CDIN1: variants seen among roughly 807,000 people sequenced by gnomAD.
CDIN1 encodes CDAN1-interacting nuclease 1.
A neutral mutation model predicts 45.3 loss-of-function variants in CDIN1; 33 were observed. The ratio of observed to expected loss-of-function variants is 0.73; its 90% confidence interval spans 0.55 to 0.97. The LOEUF (loss-of-function observed/expected upper bound fraction) is 0.97. Among genes scored for constraint, CDIN1 ranks in the 50% least tolerant of loss-of-function variants. The pLI, the probability that CDIN1 is intolerant of heterozygous loss-of-function variation, is 0.00. For missense variants in CDIN1, 303 were observed against 339.4 expected (o/e 0.89, Z 0.84); for synonymous variants, 118 against 124.4 (o/e 0.95, Z 0.34).
chr15:36,653,877 C>T (rs1158159961), intron 3 of CDIN1, among the ~76,000 whole-genome samples: 4 of 152,128 alleles, frequency 2.6e-5, no homozygotes, highest in Non-Finnish European at 5.9e-5. Context: ...GTATTTACAC[C>T]TTCTGCCCCC....
chr15:36,765,073 T>TTTTG (rs55720281), intron 10 of CDIN1, among the ~76,000 whole-genome samples: 1 of 150,640 alleles, frequency 6.6e-6, no homozygotes, highest in Non-Finnish European at 1.5e-5. Context: ...TTTTTTTTTT[T>TTTTG]TAGATGGAGT....
intron 10 of CDIN1, among the ~76,000 whole-genome samples, chr15:36,759,629 A>G (rs878909794): frequency 7.2e-5 from 11 of 152,206 alleles, no homozygotes; most frequent in African/African-American, 2.7e-4. Flanking sequence ...AGCATTGTTA[A>G]CAATAGTCTG....
At chr15:36,615,325 G>A (rs560403562) in intron 1 of CDIN1, among the ~76,000 whole-genome samples, 173 of 152,222 alleles carry the variant, frequency 1.1e-3, no homozygotes, top group African/African-American at 3.9e-3. Flanking sequence ...TCTGTTAGGT[G>A]TACATCCTGC....
chr15:36,630,452 G>A (rs145545190), intron 1 of CDIN1, among the ~76,000 whole-genome samples: 8 of 152,202 alleles, frequency 5.3e-5, no homozygotes, highest in Non-Finnish European at 7.4e-5. Flanking sequence ...GTTTACAGAC[G>A]GTGGAATTGA....
chr15:36,779,955 T>G (rs1168116666), intron 10 of CDIN1, among the ~76,000 whole-genome samples: 1 of 152,150 alleles, frequency 6.6e-6, no homozygotes, highest in African/African-American at 2.4e-5. Context: ...TCATACTGAG[T>G]AGCAGTGGCA....
intron 5 of CDIN1, among the ~76,000 whole-genome samples, chr15:36,686,763 G>A (rs547403750): frequency 6.8e-6 from 1 of 147,418 alleles, no homozygotes; most frequent in African/African-American, 2.5e-5. Context: ...GAGGGACAGA[G>A]GGATGGAGGG....
intron 7 of CDIN1, among the ~76,000 whole-genome samples, chr15:36,696,075 C>G (rs2042414270): frequency 6.6e-6 from 1 of 152,076 alleles, no homozygotes; most frequent in South Asian, 2.1e-4. Context: ...AACTGTATGC[C>G]CTGTGCAGGT....
intron 1 of CDIN1, chr15:36,626,760 CT>C: frequency 2.6e-6 from 1 of 387,744 alleles, no homozygotes; most frequent in Non-Finnish European, 5.1e-6. Context: ...TAGTCCCTTA[CT>C]TGGTGTGCGT....
chr15:36,724,134 G>T (rs1411766776), intron 10 of CDIN1, among the ~76,000 whole-genome samples: 1 of 152,200 alleles, frequency 6.6e-6, no homozygotes, highest in African/African-American at 2.4e-5. Context: ...AGCCAGTGGA[G>T]TTTTTTGAAT....
chr15:36,726,833 T>C (rs1433634599), intron 10 of CDIN1, among the ~76,000 whole-genome samples: 2 of 152,190 alleles, frequency 1.3e-5, no homozygotes, highest in Non-Finnish European at 2.9e-5. Context: ...GCATTTTTTT[T>C]TCTATATATG....
At chr15:36,593,247 T>C (rs6495855) in intron 1 of CDIN1, among the ~76,000 whole-genome samples, 131,491 of 152,208 alleles carry the variant, frequency 0.86, 56,919 homozygotes, top group Middle Eastern at 0.96. Flanking sequence ...AAACCACCCC[T>C]TTCCAAGTAT....
intron 6 of CDIN1, 41 bp downstream of exon 6, chr15:36,691,805 A>G (rs2042262050): frequency 2.1e-6 from 3 of 1,401,628 alleles, no homozygotes; most frequent in Non-Finnish European, 3.0e-6. Context: ...CAATGCTGTT[A>G]TCTGCCTAGC....
rs151080833 is a variant in CDIN1 at position 36,693,140 on chromosome 15, C to G, written c.476+965C>G. Among the ~76,000 whole-genome samples the G allele has an allele frequency of 2.6e-5, 4 of 152,230 alleles. No individual in the cohort carries two copies. The East Asian group carries it at 7.7e-4, about 29-fold the overall frequency. ...TCGTGTACATGTATGTGTTTATATTCCACCTTCTTTCACAAAGGCTTAGAG... is the reference window on the plus strand; with the variant it reads ...TCGTGTACATGTATGTGTTTATATTGCACCTTCTTTCACAAAGGCTTAGAG... On this transcript the variant is annotated intron_variant, in intron 7 of 10. Transcript: ENST00000566621.
intron 3 of CDIN1, among the ~76,000 whole-genome samples, chr15:36,650,536 A>G (rs2040533660): frequency 6.6e-6 from 1 of 151,744 alleles, no homozygotes; most frequent in East Asian, 1.9e-4. Flanking sequence ...TCCACCTCCC[A>G]GGTTCAAGAG....
intron 1 of CDIN1, among the ~76,000 whole-genome samples, chr15:36,598,513 G>T (rs2037945239): frequency 6.6e-6 from 1 of 151,862 alleles, no homozygotes; most frequent in South Asian, 2.1e-4. Context: ...GAGGCTCTCA[G>T]CTCCTCTCCC....
At chr15:36,701,122 G>GTAGGTAGATAGA (rs1221792455) in intron 8 of CDIN1, among the ~76,000 whole-genome samples, 1 of 103,806 alleles carries the variant, frequency 9.6e-6, no homozygotes, top group Admixed American at 9.0e-5. Context: ...AGATAGGTAG[G>GTAGGTAGATAGA]TAGATAGATA....
intron 10 of CDIN1, among the ~76,000 whole-genome samples, chr15:36,730,402 T>C (rs1195918012): frequency 6.6e-6 from 1 of 152,146 alleles, no homozygotes; most frequent in Admixed American, 6.6e-5. Context: ...TGTGAAGATT[T>C]GGTATTTTAA....
At chr15:36,698,854 G>C (rs2042531197) in intron 8 of CDIN1, among the ~76,000 whole-genome samples, 1 of 152,064 alleles carries the variant, frequency 6.6e-6, no homozygotes, top group African/African-American at 2.4e-5. Flanking sequence ...AATCCCAGCT[G>C]GGAAAAAAAG....
chr15:36,783,416 T>A (rs1158872526), intron 10 of CDIN1, among the ~76,000 whole-genome samples: 1 of 149,954 alleles, frequency 6.7e-6, no homozygotes, highest in Admixed American at 6.7e-5. Context: ...CATTATCTAA[T>A]CCTCTCTTAA....
Sources: allele counts gnomAD v4.1 joint callset (sites outside exome capture counted in the v4.1 genomes callset), GRCh38; gene constraint gnomAD v4.1.1; transcripts MANE v1.5; gene names NCBI Gene and HGNC (gene_info 2026-07-23, HGNC 2026-07-21).